AUTS2: variants seen among roughly 807,000 people sequenced by gnomAD.
AUTS2 encodes the protein autism susceptibility gene 2 protein.
AUTS2 carries 17 observed loss-of-function variants against 112.4 expected under a neutral mutation model. That is an observed-to-expected ratio of 0.15 (90% CI 0.10 to 0.23). The LOEUF is 0.23. Among genes scored for constraint, AUTS2 ranks in the 10% least tolerant of loss-of-function variants. The pLI is 1.00. For missense variants in AUTS2, 1,510 were observed against 1,701.6 expected (o/e 0.89, Z 1.98); for synonymous variants, 751 against 702.7 (o/e 1.07, Z -1.09).
intron 4 of AUTS2, among the ~76,000 whole-genome samples, chr7:70,222,653 A>T (rs1163623192): frequency 6.6e-6 from 1 of 151,846 alleles, no homozygotes; most frequent in Non-Finnish European, 1.5e-5. Context: ...AAAGACTTTA[A>T]GTTCTCTGCA....
chr7:69,634,457 G>T (rs1299257280), intron 1 of AUTS2, among the ~76,000 whole-genome samples: 1 of 152,180 alleles, frequency 6.6e-6, no homozygotes, highest in Non-Finnish European at 1.5e-5. Flanking sequence ...TACTCAAATA[G>T]ATGCCACCCT....
chr7:69,693,997 C>T (rs1251611352), intron 1 of AUTS2, among the ~76,000 whole-genome samples: 1 of 152,164 alleles, frequency 6.6e-6, no homozygotes, highest in African/African-American at 2.4e-5. Context: ...AGATGGGAGA[C>T]TACAGGTAGA....
intron 6 of AUTS2, among the ~76,000 whole-genome samples, chr7:70,734,427 G>A (rs1001114821): frequency 1.0e-4 from 15 of 150,712 alleles, no homozygotes; most frequent in African/African-American, 3.6e-4. Flanking sequence ...GAGACAGAGT[G>A]AGAGTCTATC....
chr7:69,965,231 A>G (rs1224725022), intron 2 of AUTS2, among the ~76,000 whole-genome samples: 2 of 152,104 alleles, frequency 1.3e-5, no homozygotes, highest in Non-Finnish European at 2.9e-5. Context: ...AAACATTAAT[A>G]CAAAACTTGG....
At chr7:70,485,718 T>A (rs1344782508) in intron 5 of AUTS2, among the ~76,000 whole-genome samples, 1 of 152,216 alleles carries the variant, frequency 6.6e-6, no homozygotes, top group Non-Finnish European at 1.5e-5. Flanking sequence ...GGGCTCATCC[T>A]TTCCCTGGAT....
intron 4 of AUTS2, among the ~76,000 whole-genome samples, chr7:70,150,831 A>G (rs1807392731): frequency 6.6e-6 from 1 of 152,198 alleles, no homozygotes; most frequent in Non-Finnish European, 1.5e-5. Flanking sequence ...ATATTCATGA[A>G]AAGAGTTGGG....
chr7:69,629,689 A>G (rs555835997), intron 1 of AUTS2, among the ~76,000 whole-genome samples: 1 of 152,264 alleles, frequency 6.6e-6, no homozygotes, highest in East Asian at 1.9e-4. Flanking sequence ...GTAATTTCCT[A>G]AAATCACCGC....
At chr7:69,794,962 G>A (rs1789776129) in intron 1 of AUTS2, among the ~76,000 whole-genome samples, 1 of 152,118 alleles carries the variant, frequency 6.6e-6, no homozygotes, top group Admixed American at 6.6e-5. Context: ...GTACCATATA[G>A]TAGTTAAGAA....
At chr7:69,800,109 A>G (rs1041851722) in intron 1 of AUTS2, among the ~76,000 whole-genome samples, 1 of 152,226 alleles carries the variant, frequency 6.6e-6, no homozygotes, top group Admixed American at 6.5e-5. Context: ...AAACATTCGA[A>G]TCAAACCAGT....
intron 5 of AUTS2, among the ~76,000 whole-genome samples, chr7:70,455,542 T>A (rs11770348): frequency 0.26 from 40,050 of 151,858 alleles, 5,966 homozygotes; most frequent in African/African-American, 0.41. Flanking sequence ...CGTGGAGAGG[T>A]GGTTCCCTAC....
intron 4 of AUTS2, among the ~76,000 whole-genome samples, chr7:70,343,966 C>G (rs1791384861): frequency 6.6e-6 from 1 of 152,070 alleles, no homozygotes; most frequent in Non-Finnish European, 1.5e-5. Context: ...CCCATTGAAG[C>G]TACATCCTCA....
chr7:70,618,408 C>T (rs868577291), intron 5 of AUTS2, among the ~76,000 whole-genome samples: 99 of 152,300 alleles, frequency 6.5e-4, no homozygotes, highest in African/African-American at 2.3e-3. Flanking sequence ...CTGGAGGGCT[C>T]GGCCTGTTGG....
chr7:70,008,331 C>T (rs1799640028), intron 2 of AUTS2, among the ~76,000 whole-genome samples: 1 of 151,938 alleles, frequency 6.6e-6, no homozygotes, highest in Non-Finnish European at 1.5e-5. Flanking sequence ...ATATAGCATG[C>T]TATGAGACTT....
chr7:70,118,244 G>GAA lies in AUTS2; in HGVS notation c.624+11_624+12insAA, dbSNP rs1805489891. ...GAAAGGCTCAGTGATGTAAGTTTAA[G>GAA]TAAAAAAAAAAAAAAAAAAAAAATT... On this transcript the variant is annotated intron_variant, in intron 3 of 18. Coordinates refer to ENST00000342771, the MANE Select transcript of AUTS2 (RefSeq NM_015570.4). The GAA allele has an allele frequency of 1.3e-5, 10 of 754,074 alleles. No homozygotes were observed. The highest frequency in any genetic ancestry group is 1.1e-4 in the Admixed American group (2 of 18,164). The allele number at this position is 754,074 out of a possible 1,614,324, so 46.7% of individuals were successfully genotyped here.
At chr7:69,965,210 A>C (rs191740003) in intron 2 of AUTS2, among the ~76,000 whole-genome samples, 39 of 152,288 alleles carry the variant, frequency 2.6e-4, no homozygotes, top group African/African-American at 8.4e-4. Flanking sequence ...CCCCACGGCT[A>C]TAATGATAGG....
In AUTS2 at chr7:69,599,506, C is replaced by A; in HGVS notation, c.-148C>A. ...CTCCTCTCTTTCTTCCCCTCTCTCC[C>A]TTCTTTCGGCCGCCGTCTCCCCCGC... On this transcript the variant is annotated 5_prime_UTR_variant, in exon 1 of 19. Transcript: ENST00000342771. The surrounding 1 kb of genome is among the most constrained non-coding windows in gnomAD (Gnocchi z 7.0). The A allele has an allele frequency of 1.5e-6, 1 of 657,552 alleles. No individual in the cohort carries two copies. Among genetic ancestry groups the A allele is most frequent in the Non-Finnish European group, 2.1e-6 (1 of 469,426 alleles). 40.7% of individuals were successfully genotyped at this position (657,552 alleles called of 1,614,324 possible).
At chr7:70,458,439 A>G (rs1288643480) in intron 5 of AUTS2, among the ~76,000 whole-genome samples, 1 of 151,948 alleles carries the variant, frequency 6.6e-6, no homozygotes, top group East Asian at 1.9e-4. Context: ...CTACTTCATG[A>G]CCCCAGCCTC....
In AUTS2 at chr7:69,730,098, G is replaced by A. The variant is rs577924598; in HGVS notation, c.309+130136G>A. 1.2e-4 allele frequency among the ~76,000 whole-genome samples: 17 copies of A among 141,972 alleles called. 1 individual carries two copies. The South Asian group carries it at 3.6e-3, about 30-fold the overall frequency. The allele number at this position is 141,972 out of a possible 152,430, so 93.1% of individuals were successfully genotyped here. Reference sequence around the variant, plus strand: ...TCAAAGTGATACTCCCACCTCAGCCGCCTGTGTAGCTGGGAGTCCAGGTGT... The same window carrying A: ...TCAAAGTGATACTCCCACCTCAGCCACCTGTGTAGCTGGGAGTCCAGGTGT... On this transcript the variant is annotated intron_variant, in intron 1 of 18. Coordinates refer to ENST00000342771, the MANE Select transcript of AUTS2 (RefSeq NM_015570.4).
intron 2 of AUTS2, among the ~76,000 whole-genome samples, chr7:69,949,689 G>A (rs1300631821): frequency 2.6e-5 from 4 of 152,108 alleles, no homozygotes; most frequent in East Asian, 1.9e-4. Context: ...CAAGATCTGA[G>A]TAGAATGTCA....
Sources: gnomAD v4.1 joint callset for allele counts (sites outside exome capture counted in the v4.1 genomes callset) on GRCh38, gnomAD v4.1.1 for gene constraint, Gnocchi (gnomAD v3.1) non-coding constraint, MANE v1.5 for transcripts, NCBI Gene and HGNC (gene_info 2026-07-23, HGNC 2026-07-21) for gene names.